The following CENPC variants were observed in gnomAD, a reference collection of about 807,000 sequenced individuals.
CENPC encodes the protein CENP-C 1.
Under a neutral mutation model 112.1 loss-of-function variants are expected in CENPC, and 63 were observed. The ratio of observed to expected loss-of-function variants is 0.56; its 90% CI spans 0.46 to 0.69. The LOEUF (loss-of-function observed/expected upper bound fraction) is 0.69. CENPC is among the 30% of genes least tolerant of loss of function. The pLI is 0.00. For synonymous variants in CENPC, 333 were observed against 367.6 expected, an observed-to-expected ratio of 0.91 and a Z score of 1.08; for missense variants, 1,000 against 1,103.8, an observed-to-expected ratio of 0.91 and a Z score of 1.33.
chr4:67,499,454 T>C (rs1178050152), intron 12 of CENPC, among the ~76,000 whole-genome samples: 1 of 152,248 alleles, frequency 6.6e-6, no homozygotes, highest in Non-Finnish European at 1.5e-5. Flanking sequence ...TTTTATGTTA[T>C]GGAAACAGCT....
rs905343529 is a variant in CENPC, at chr4:67,530,968, A to C, written c.232-54T>G. 2.9e-5 allele frequency: 25 copies of C among 857,404 alleles called. No homozygotes were observed. In the African/African-American group the frequency reaches 4.4e-4, roughly 15 times the overall value. 53.1% of individuals were successfully genotyped at this position (857,404 alleles called of 1,614,324 possible). ...ACTATTTTATTAACTTACCAATTCA[A>C]TGAAATATATTTGTTTTTTAAATGG... On this transcript the variant is annotated intron_variant, in intron 4 of 18. Transcript: ENST00000273853.
chr4:67,488,507 T>C (rs967574859), intron 17 of CENPC, among the ~76,000 whole-genome samples: 2 of 152,028 alleles, frequency 1.3e-5, no homozygotes, highest in African/African-American at 2.4e-5. Context: ...AGGGTATGAA[T>C]ACTTTTCTAA....
intron 5 of CENPC, among the ~76,000 whole-genome samples, chr4:67,520,578 T>A (rs1726196240): frequency 1.3e-5 from 2 of 152,040 alleles, no homozygotes; most frequent in Admixed American, 1.3e-4. Context: ...AACATGGACA[T>A]CAAAAGGCAT....
chr4:67,491,540 A>AGAGAGAGAGAGAGAG (rs1725281943), intron 16 of CENPC, among the ~76,000 whole-genome samples: 1 of 83,890 alleles, frequency 1.2e-5, no homozygotes, highest in Non-Finnish European at 2.5e-5. Context: ...CTGGTTGTTA[A>AGAGAGAGAGAGAGAG]ACAGTTGCGT....
intron 15 of CENPC, 129 bp downstream of exon 15, chr4:67,492,740 A>T: frequency 1.5e-6 from 2 of 1,296,214 alleles, no homozygotes; most frequent in Non-Finnish European, 2.0e-6. Flanking sequence ...ACATTAAAAA[A>T]TGAATTTTAC....
intron 17 of CENPC, among the ~76,000 whole-genome samples, chr4:67,475,387 G>A (rs1057447108): frequency 1.3e-5 from 2 of 152,172 alleles, no homozygotes; most frequent in Admixed American, 6.5e-5. Flanking sequence ...GTGAGGAAAT[G>A]GGAACCTCAG....
chr4:67,490,481 A>T lies in CENPC; in HGVS notation c.2516-360T>A, dbSNP rs576708361. 2.6e-5 allele frequency among the ~76,000 whole-genome samples: 4 copies of T among 152,302 alleles called. No homozygotes were observed. In the East Asian group the frequency reaches 7.7e-4, roughly 29 times the overall value. ...CTGGCAAAAAGTACGCACTGTTAGC[A>T]CCAGCTGAATAACAAAATGGCAGTA... On this transcript the variant is annotated intron_variant, in intron 16 of 18. Coordinates refer to ENST00000273853, the MANE Select transcript of CENPC (RefSeq NM_001812.4).
intron 2 of CENPC, among the ~76,000 whole-genome samples, chr4:67,543,568 T>A (rs1726947086): frequency 6.6e-6 from 1 of 152,200 alleles, no homozygotes; most frequent in Non-Finnish European, 1.5e-5. Context: ...ATATACATTT[T>A]CCCAACAGAA....
At chr4:67,525,509 G>A (rs546915736) in intron 5 of CENPC, among the ~76,000 whole-genome samples, 39 of 152,134 alleles carry the variant, frequency 2.6e-4, no homozygotes, top group African/African-American at 8.4e-4. Context: ...GTGGGCAAAT[G>A]ATATGAACAG....
At chr4:67,527,225 G>GC (rs1276387497) in intron 5 of CENPC, among the ~76,000 whole-genome samples, 1 of 152,028 alleles carries the variant, frequency 6.6e-6, no homozygotes, top group African/African-American at 2.4e-5. Context: ...GAAATTTTAC[G>GC]CAAGGCTGGT....
intron 9 of CENPC, chr4:67,510,995 C>T (rs545219966): frequency 6.6e-6 from 3 of 456,092 alleles, no homozygotes; most frequent in Non-Finnish European, 1.3e-5. Context: ...ATGTATTCAT[C>T]TGCCACATAG....
At chr4:67,500,003 TTTC>T (rs1006901588) in intron 12 of CENPC, among the ~76,000 whole-genome samples, 5 of 152,174 alleles carry the variant, frequency 3.3e-5, no homozygotes, top group Non-Finnish European at 7.4e-5. Context: ...GAATTTTCAC[TTTC>T]TTAAGTAGCT....
At chr4:67,528,786 T>C (rs1038780861) in intron 5 of CENPC, among the ~76,000 whole-genome samples, 3 of 152,212 alleles carry the variant, frequency 2.0e-5, no homozygotes, top group Admixed American at 6.5e-5. Flanking sequence ...AATATTAGTA[T>C]ACAAATGTCT....
At chr4:67,541,259 C>T (rs1339066323) in intron 2 of CENPC, among the ~76,000 whole-genome samples, 1 of 152,098 alleles carries the variant, frequency 6.6e-6, no homozygotes, top group Non-Finnish European at 1.5e-5. Context: ...ATATCATAAT[C>T]TACCTTAACA....
At chr4:67,531,082 G>A (rs1578004324) in intron 4 of CENPC, among the ~76,000 whole-genome samples, 168 bp from the exon 5 acceptor site, 1 of 152,092 alleles carries the variant, frequency 6.6e-6, no homozygotes, top group Admixed American at 6.5e-5. Flanking sequence ...TAGCTACTTT[G>A]GAAAACAATC....
intron 8 of CENPC, 89 bp downstream of exon 8, chr4:67,513,985 T>G: frequency 7.8e-7 from 1 of 1,279,090 alleles, no homozygotes; most frequent in Non-Finnish European, 1.0e-6. Context: ...TAGGTTTACT[T>G]TGCCTACTTG....
chr4:67,513,700 A>G (rs1013255298), intron 8 of CENPC, among the ~76,000 whole-genome samples: 9 of 152,196 alleles, frequency 5.9e-5, no homozygotes, highest in Non-Finnish European at 1.2e-4. Context: ...ACATGAGTGA[A>G]TGATGGAAGA....
intron 9 of CENPC, chr4:67,510,704 T>C (rs1436447983): frequency 3.4e-6 from 1 of 291,488 alleles, no homozygotes; most frequent in Non-Finnish European, 6.7e-6. Context: ...GTACTCCATA[T>C]ACATTTCTTC....
At chr4:67,528,756 T>C (rs1296936447) in intron 5 of CENPC, among the ~76,000 whole-genome samples, 3 of 152,218 alleles carry the variant, frequency 2.0e-5, no homozygotes, top group African/African-American at 4.8e-5. Flanking sequence ...CTTTTGAGTA[T>C]TGTGAATAAT....
Sources: allele counts gnomAD v4.1 joint callset (sites outside exome capture counted in the v4.1 genomes callset), GRCh38; gene constraint gnomAD v4.1.1; transcripts MANE v1.5; gene names NCBI Gene and HGNC (gene_info 2026-07-23, HGNC 2026-07-21).